The following ASTN2 variants were observed in gnomAD, a reference collection of about 807,000 sequenced individuals.
The protein encoded by ASTN2 is astrotactin 2, also known as astrotactin-2.
In ASTN2, 54 loss-of-function variants were observed where a neutral mutation model predicts 139.8. The observed-to-expected ratio is 0.39, with a 90% CI of 0.31 to 0.48. ASTN2 has a LOEUF of 0.48. Among genes scored for constraint, ASTN2 ranks in the 20% least tolerant of loss-of-function variants. The probability of loss-of-function intolerance (pLI) is 0.95; values close to 1 mark genes in which losing one functional copy is unlikely to be tolerated. For missense variants in ASTN2, 1,565 were observed against 1,725.1 expected, an observed-to-expected ratio of 0.91 and a Z score of 1.64; for synonymous variants, 756 against 719.5, an observed-to-expected ratio of 1.05 and a Z score of -0.81.
intron 10 of ASTN2, among the ~76,000 whole-genome samples, chr9:116,964,250 TGTGTGTGCGCGCGCGCGC>T (rs1307550694): frequency 5.1e-4 from 69 of 134,546 alleles, no homozygotes; most frequent in African/African-American, 1.8e-3. Flanking sequence ...TGTGTGTGTG[TGTGTGTGCGCGCGCGCGC>T]GTGTGTGTTG....
intron 12 of ASTN2, among the ~76,000 whole-genome samples, chr9:116,810,055 T>C (rs1155556): frequency 0.46 from 70,093 of 151,980 alleles, 16,384 homozygotes; most frequent in East Asian, 0.65. Context: ...CTGCCACAAT[T>C]ACAATAGACC....
chr9:117,333,783 C>T (rs957665052), intron 1 of ASTN2, among the ~76,000 whole-genome samples: 6 of 152,092 alleles, frequency 3.9e-5, no homozygotes, highest in African/African-American at 1.4e-4. Context: ...GGATTACAGG[C>T]GTGATCCACT....
intron 19 of ASTN2, among the ~76,000 whole-genome samples, chr9:116,589,359 C>T (rs1029260474): frequency 6.6e-6 from 1 of 152,186 alleles, no homozygotes; most frequent in Non-Finnish European, 1.5e-5. Context: ...TGATGAATCG[C>T]TCTCTTGGTC....
At chr9:116,478,890 G>A (rs1213071178) in intron 20 of ASTN2, among the ~76,000 whole-genome samples, 3 of 151,204 alleles carry the variant, frequency 2.0e-5, no homozygotes, top group Non-Finnish European at 4.4e-5. Flanking sequence ...TACTCAGGGG[G>A]CTGAAGCAGA....
rs1348036161 is a variant in ASTN2, at chr9:117,001,471, G to A, written c.1591+6621C>T. 3.3e-5 allele frequency among the ~76,000 whole-genome samples: 5 copies of A among 151,988 alleles called. No homozygotes were observed. In the South Asian group the frequency reaches 6.2e-4, roughly 19 times the overall value. ...GCTTGTGAGAACAGATGTTCTCAAA[G>A]TCTTTGGATCCTTACCTTTTAATGA... is the stretch of plus-strand genomic sequence containing the variant. On this transcript the variant is annotated intron_variant, in intron 7 of 22. Coordinates refer to ENST00000313400, the MANE Select transcript of ASTN2 (RefSeq NM_001365068.1).
chr9:116,832,940 T>TTTTGTTTATTTATTTATTTA (rs1554752212), intron 11 of ASTN2, among the ~76,000 whole-genome samples: 1 of 149,822 alleles, frequency 6.7e-6, no homozygotes, highest in African/African-American at 2.5e-5. Flanking sequence ...TTTTGTTTTG[T>TTTTGTTTATTTATTTATTTA]TTTATTTATT....
At chr9:117,307,961 C>G (rs1356439972) in intron 1 of ASTN2, among the ~76,000 whole-genome samples, 1 of 152,158 alleles carries the variant, frequency 6.6e-6, no homozygotes, top group African/African-American at 2.4e-5. Flanking sequence ...AGCAGAACAG[C>G]CTTGTTCTCG....
chr9:117,250,995 T>C (rs112219722), intron 2 of ASTN2, among the ~76,000 whole-genome samples: 1,646 of 152,228 alleles, frequency 0.011, 22 homozygotes, highest in Middle Eastern at 0.024. Context: ...TCAGAAGGGC[T>C]GAAGCAGGGA....
chr9:117,113,224 AT>A (rs1829292966), intron 4 of ASTN2, among the ~76,000 whole-genome samples: 1 of 152,214 alleles, frequency 6.6e-6, no homozygotes, highest in Non-Finnish European at 1.5e-5. Flanking sequence ...CAGATATCCC[AT>A]TCCTAGTTAC....
chr9:116,538,564 G>C (rs1484809365), intron 19 of ASTN2, among the ~76,000 whole-genome samples: 1 of 152,172 alleles, frequency 6.6e-6, no homozygotes, highest in Non-Finnish European at 1.5e-5. Context: ...ATTCACTCAA[G>C]TTTTAAGGTT....
At chr9:117,007,338 TC>T (rs1247248615) in intron 7 of ASTN2, among the ~76,000 whole-genome samples, 1 of 152,204 alleles carries the variant, frequency 6.6e-6, no homozygotes, top group Non-Finnish European at 1.5e-5. Flanking sequence ...TGCAGCACTG[TC>T]CCATAGAAAT....
At chr9:117,007,110 G>A (rs1036346540) in intron 7 of ASTN2, among the ~76,000 whole-genome samples, 3 of 152,032 alleles carry the variant, frequency 2.0e-5, no homozygotes, top group Admixed American at 6.6e-5. Context: ...CCTGGAACAC[G>A]TCCCTCGGAT....
chr9:117,375,827 T>C (rs969002638), intron 1 of ASTN2, among the ~76,000 whole-genome samples: 2 of 152,202 alleles, frequency 1.3e-5, no homozygotes, highest in African/African-American at 4.8e-5. Flanking sequence ...TCAGCAGGGC[T>C]GCATTCCCTT....
At chr9:117,173,772 A>G (rs1217597003) in intron 3 of ASTN2, among the ~76,000 whole-genome samples, 2 of 151,960 alleles carry the variant, frequency 1.3e-5, no homozygotes, top group African/African-American at 4.8e-5. Flanking sequence ...ATTGAAAAAT[A>G]ATCATCTAGG....
intron 20 of ASTN2, among the ~76,000 whole-genome samples, chr9:116,458,122 T>C (rs1179208109): frequency 6.6e-6 from 1 of 151,896 alleles, no homozygotes; most frequent in African/African-American, 2.4e-5. Context: ...TTGCATGTTC[T>C]CACTCATTTG....
chr9:116,907,895 T>G (rs2132415616), intron 10 of ASTN2, among the ~76,000 whole-genome samples: 1 of 152,280 alleles, frequency 6.6e-6, no homozygotes, highest in East Asian at 1.9e-4. Flanking sequence ...AGGTTCTGTC[T>G]TGCTCATTAC....
chr9:116,903,002 C>T lies in ASTN2; in HGVS notation c.1890-39269G>A, dbSNP rs150939783. ...CTTCCCCCAACTCTGTCTCTTGAAA[C>T]ACCAGGGATTTTCTGCCTCAGGGCC... On this transcript the variant is annotated intron_variant, in intron 10 of 22. Transcript: ENST00000313400. Among the ~76,000 whole-genome samples, 147 of 152,310 alleles carry T rather than the reference C, an allele frequency of 9.7e-4. 1 individual carries two copies. The highest frequency in any genetic ancestry group is 3.5e-3 in the African/African-American group (146 of 41,572).
At chr9:116,879,251 C>T (rs7868701) in intron 10 of ASTN2, among the ~76,000 whole-genome samples, 16,066 of 152,076 alleles carry the variant, frequency 0.11, 1,176 homozygotes, top group East Asian at 0.37. Context: ...TTTCTAATAA[C>T]ATAATGTGGC....
intron 20 of ASTN2, among the ~76,000 whole-genome samples, chr9:116,448,677 A>G (rs1354242430): frequency 6.6e-6 from 1 of 152,222 alleles, no homozygotes; most frequent in Non-Finnish European, 1.5e-5. Flanking sequence ...ATTGAGCCTC[A>G]GTTTCCTTAT....
Sources: gnomAD v4.1 joint callset for allele counts (sites outside exome capture counted in the v4.1 genomes callset) on GRCh38, gnomAD v4.1.1 for gene constraint, MANE v1.5 for transcripts, NCBI Gene and HGNC (gene_info 2026-07-23, HGNC 2026-07-21) for gene names.